Variants in CNTNAP4 observed in about 807,000 individuals in gnomAD.
The protein encoded by CNTNAP4 is contactin associated protein family member 4, also known as contactin-associated protein-like 4.
In CNTNAP4, 98 loss-of-function variants were observed where a neutral mutation model predicts 148.4. The observed-to-expected ratio is 0.66, with a 90% CI of 0.56 to 0.78. The LOEUF (loss-of-function observed/expected upper bound fraction) is 0.78. CNTNAP4 is among the 30% of genes least tolerant of loss of function. The pLI, the probability that CNTNAP4 is intolerant of heterozygous loss-of-function variation, is 0.00. For missense variants in CNTNAP4, 1,935 were observed against 1,565.6 expected (o/e 1.24, Z -3.98); for synonymous variants, 730 against 565.1 (o/e 1.29, Z -4.14).
At chr16:76,532,277 A>G (rs2084017352) in intron 17 of CNTNAP4, among the ~76,000 whole-genome samples, 1 of 152,216 alleles carries the variant, frequency 6.6e-6, no homozygotes, top group Non-Finnish European at 1.5e-5. Flanking sequence ...CTTCCTTGGA[A>G]TGGAAGGCTA....
At chr16:76,556,470 A>C (rs2085204023) in intron 23 of CNTNAP4, among the ~76,000 whole-genome samples, 1 of 152,280 alleles carries the variant, frequency 6.6e-6, no homozygotes, top group Admixed American at 6.5e-5. Flanking sequence ...ACATGGAACA[A>C]ACAAGTTCCA....
In CNTNAP4 at chr16:76,556,209, G is replaced by A. The variant is rs151240843; in HGVS notation, c.3734-2281G>A. On this transcript the variant is annotated intron_variant, in intron 23 of 23. Coordinates refer to ENST00000611870, the MANE Select transcript of CNTNAP4 (RefSeq NM_033401.5). ...AAAAGTGGTGACCCAGATGTGGTAG[G>A]GGGTTTCTGGCCAGGCTACCCAGAT... 4.6e-5 allele frequency among the ~76,000 whole-genome samples: 7 copies of A among 152,078 alleles called. No individual in the cohort carries two copies. In the East Asian group the frequency reaches 1.4e-3, roughly 29 times the overall value.
At chr16:76,446,358 C>T (rs533294397) in intron 4 of CNTNAP4, among the ~76,000 whole-genome samples, 37 of 152,232 alleles carry the variant, frequency 2.4e-4, no homozygotes, top group East Asian at 3.9e-4. Flanking sequence ...TCATTTATTA[C>T]ATAAGTGCAC....
chr16:76,361,832 T>C (rs2013476580), intron 3 of CNTNAP4, among the ~76,000 whole-genome samples: 2 of 152,308 alleles, frequency 1.3e-5, no homozygotes, highest in Middle Eastern at 6.8e-3. Flanking sequence ...CTGCTTGTTA[T>C]CTTTTGTTTT....
chr16:76,547,656 T>C (rs2084793107), intron 21 of CNTNAP4, among the ~76,000 whole-genome samples: 1 of 152,244 alleles, frequency 6.6e-6, no homozygotes, highest in Admixed American at 6.5e-5. Context: ...ATAGGAGTTT[T>C]CTATAAGCCT....
intron 8 of CNTNAP4, among the ~76,000 whole-genome samples, chr16:76,460,779 T>C (rs374762989): frequency 1.2e-4 from 7 of 58,836 alleles, no homozygotes; most frequent in Admixed American, 2.4e-4. Context: ...AAAAAATATA[T>C]ATATATATAT....
chr16:76,389,690 G>A (rs546225153), intron 3 of CNTNAP4, among the ~76,000 whole-genome samples: 33 of 152,000 alleles, frequency 2.2e-4, no homozygotes, highest in African/African-American at 7.7e-4. Flanking sequence ...TTGAACTCCC[G>A]GTGCTGAATT....
chr16:76,497,089 T>A (rs1322391500), intron 14 of CNTNAP4, among the ~76,000 whole-genome samples: 1 of 152,170 alleles, frequency 6.6e-6, no homozygotes, highest in Non-Finnish European at 1.5e-5. Flanking sequence ...AACTCAGATC[T>A]TCAGGAAGAA....
chr16:76,423,889 G>T (rs7203921), intron 3 of CNTNAP4, among the ~76,000 whole-genome samples: 54,813 of 151,804 alleles, frequency 0.36, 10,141 homozygotes, highest in Middle Eastern at 0.48. Context: ...TTTGCCTGCT[G>T]TATGGCTATA....
chr16:76,421,298 AT>A (rs2079178590), intron 3 of CNTNAP4, among the ~76,000 whole-genome samples: 1 of 152,102 alleles, frequency 6.6e-6, no homozygotes, highest in African/African-American at 2.4e-5. Context: ...GTTAAATAAA[AT>A]TCCATTCCCT....
chr16:76,447,196 C>G (rs60169342), intron 4 of CNTNAP4, among the ~76,000 whole-genome samples: 1,821 of 151,930 alleles, frequency 0.012, 30 homozygotes, highest in African/African-American at 0.042. Context: ...TGTGGTTCCA[C>G]TTACTCAGGA....
At chr16:76,345,976 C>A (rs958441979) in intron 2 of CNTNAP4, among the ~76,000 whole-genome samples, 2 of 152,124 alleles carry the variant, frequency 1.3e-5, no homozygotes, top group African/African-American at 4.8e-5. Flanking sequence ...GTCTACAAGC[C>A]AGGGAACAAG....
At chr16:76,546,058 G>T (rs569148935) in intron 21 of CNTNAP4, among the ~76,000 whole-genome samples, 2 of 151,430 alleles carry the variant, frequency 1.3e-5, no homozygotes, top group Admixed American at 6.6e-5. Flanking sequence ...AAACTAAAAA[G>T]TGCCCACACC....
chr16:76,450,399 C>T (rs1290852934), intron 7 of CNTNAP4, among the ~76,000 whole-genome samples: 1 of 152,208 alleles, frequency 6.6e-6, no homozygotes. Context: ...ATCCGCCTGC[C>T]TCAGCCTCCC....
intron 15 of CNTNAP4, among the ~76,000 whole-genome samples, chr16:76,509,578 G>A (rs759193793): frequency 2.1e-5 from 2 of 97,108 alleles, no homozygotes; most frequent in African/African-American, 5.2e-5. Context: ...GATTATGCGC[G>A]TTTTAAAAGA....
intron 3 of CNTNAP4, among the ~76,000 whole-genome samples, chr16:76,360,167 A>G (rs533958260): frequency 2.0e-5 from 3 of 152,226 alleles, no homozygotes; most frequent in Non-Finnish European, 4.4e-5. Flanking sequence ...TTCTTTAACT[A>G]GAAGTGTCTA....
intron 17 of CNTNAP4, 43 bp downstream of exon 17, chr16:76,522,300 G>A (rs2083488268): frequency 6.6e-7 from 1 of 1,519,788 alleles, no homozygotes; most frequent in Non-Finnish European, 9.1e-7. Context: ...TATGATATGT[G>A]TTCAGAAATG....
chr16:76,449,055 T>C lies in CNTNAP4; in HGVS notation c.927+104T>C, dbSNP rs567698329. On this transcript the variant is annotated intron_variant, in intron 6 of 23. Coordinates refer to ENST00000611870, the MANE Select transcript of CNTNAP4 (RefSeq NM_033401.5). ...AAGAGCCCACCTTTTCAGTAAATCA[T>C]AGAACAGGTGAAGCATTTCCCAAGG... The C allele has an allele frequency of 1.2e-5, 13 of 1,083,182 alleles. No homozygotes were observed. The African/African-American group carries it at 1.8e-4, about 15-fold the overall frequency. 67.1% of individuals were successfully genotyped at this position (1,083,182 alleles called of 1,614,324 possible). A position where few individuals can be genotyped will look rare whatever the true frequency, so the allele number is the denominator to read the frequency against.
At chr16:76,340,454 T>G (rs1964373640) in intron 2 of CNTNAP4, among the ~76,000 whole-genome samples, 1 of 152,188 alleles carries the variant, frequency 6.6e-6, no homozygotes, top group Non-Finnish European at 1.5e-5. Context: ...TAATGACTCT[T>G]GACTCTGAGC....
Sources: allele counts gnomAD v4.1 joint callset (sites outside exome capture counted in the v4.1 genomes callset), GRCh38; gene constraint gnomAD v4.1.1; transcripts MANE v1.5; gene names NCBI Gene and HGNC (gene_info 2026-07-23, HGNC 2026-07-21).